Variants in DYNLT1 observed in about 807,000 individuals in gnomAD.
DYNLT1 encodes the protein T-complex testis-specific protein 1 homolog.
A neutral mutation model predicts 19.6 loss-of-function variants in DYNLT1; 18 were observed. The observed-to-expected ratio is 0.92, with a 90% CI of 0.64 to 1.36. The LOEUF is 1.36. DYNLT1 is among the 40% of genes most tolerant of loss of function. DYNLT1 has a pLI of 0.00. For synonymous variants in DYNLT1, 56 were observed against 44.0 expected, an observed-to-expected ratio of 1.27 and a Z score of -1.07; for missense variants, 137 against 139.3, an observed-to-expected ratio of 0.98 and a Z score of 0.08.
rs1041753446 is a variant in DYNLT1 at position 158,644,630 on chromosome 6, C to A, written c.27+52G>T. 17 of 1,607,360 alleles carry A rather than the reference C, an allele frequency of 1.1e-5. No individual in the cohort carries two copies. In the African/African-American group the frequency reaches 2.3e-4, roughly 22 times the overall value. ...TTTCCGGGCAGGACCGCGTGTCCTT[C>A]CGCGGCCAGGGCTCTAGGCCTCCAC... On this transcript the variant is annotated intron_variant, in intron 1 of 4. Coordinates refer to ENST00000367089, the MANE Select transcript of DYNLT1 (RefSeq NM_006519.4).
chr6:158,636,913 G>C lies in DYNLT1; in HGVS notation c.272-16C>G. The C allele has an allele frequency of 1.2e-6, 2 of 1,613,146 alleles. No homozygotes were observed. Among genetic ancestry groups the C allele is most frequent in the Non-Finnish European group, 8.5e-7 (1 of 1,179,524 alleles). On this transcript the variant is annotated splice_polypyrimidine_tract_variant and intron_variant, in intron 4 of 4. Coordinates refer to ENST00000367089, the MANE Select transcript of DYNLT1 (RefSeq NM_006519.4). Reference sequence around the variant, plus strand: ...GTGCAGCTCCCTGCGGGAGGGAAGAGAGCAGCATTTACGGCAGGGAAAGCT... The same window carrying C: ...GTGCAGCTCCCTGCGGGAGGGAAGACAGCAGCATTTACGGCAGGGAAAGCT...
intron 4 of DYNLT1, 64 bp from the exon 5 acceptor site, chr6:158,636,961 A>G (rs1230697895): frequency 3.8e-6 from 6 of 1,579,646 alleles, no homozygotes; most frequent in African/African-American, 1.3e-5. Flanking sequence ...TTTACTCACA[A>G]TAAGGCCAAC....
Sources: allele counts gnomAD v4.1 joint callset, GRCh38; gene constraint gnomAD v4.1.1; transcripts MANE v1.5; gene names NCBI Gene and HGNC (gene_info 2026-07-23, HGNC 2026-07-21).